TXNDC9: variants seen among roughly 807,000 people sequenced by gnomAD.
TXNDC9 encodes the protein thioredoxin domain containing 9.
Under a neutral mutation model 23.0 loss-of-function variants are expected in TXNDC9, and 7 were observed. The ratio of observed to expected loss-of-function variants is 0.30; its 90% CI spans 0.17 to 0.57. The LOEUF is 0.57. TXNDC9 is among the 20% of genes least tolerant of loss of function. TXNDC9 has a pLI of 0.90. For synonymous variants in TXNDC9, 72 were observed against 90.6 expected, an observed-to-expected ratio of 0.79 and a Z score of 1.17; for missense variants, 198 against 252.6, an observed-to-expected ratio of 0.78 and a Z score of 1.47.
At chr2:99,313,195 TAAAAC>T in the TXNDC9 span, among the ~76,000 whole-genome samples, 3 of 151,366 alleles carry the variant, frequency 2.0e-5, no homozygotes, top group Non-Finnish European at 4.4e-5. Flanking sequence ...ACAACAACAA[TAAAAC>T]AAACAAAACT....
chr2:99,331,049 A>G (rs867750915), intron 2 of TXNDC9, among the ~76,000 whole-genome samples: 15 of 152,194 alleles, frequency 9.9e-5, no homozygotes, highest in African/African-American at 3.4e-4. Flanking sequence ...TGAACTGCCA[A>G]AAAGTTCCTT....
At chr2:99,316,118 T>TTTTTC (rs1491405359), downstream of TXNDC9, among the ~76,000 whole-genome samples, 186 of 5,408 alleles carry the variant, frequency 0.034, 1 homozygote, top group East Asian at 0.44. Flanking sequence ...TTTCTTTTTC[T>TTTTTC]TTTTTTTTTT....
At chr2:99,315,668 A>G (rs915339091), downstream of TXNDC9, among the ~76,000 whole-genome samples, 8 of 152,134 alleles carry the variant, frequency 5.3e-5, no homozygotes, top group Admixed American at 2.0e-4. Flanking sequence ...TGTTTGTTAC[A>G]TTTCGAGTTT....
At chr2:99,332,366 C>A (rs921980740) in intron 2 of TXNDC9, among the ~76,000 whole-genome samples, 6 of 152,150 alleles carry the variant, frequency 3.9e-5, no homozygotes, top group Admixed American at 6.5e-5. Flanking sequence ...TTGCTTGAAG[C>A]CGGGAAGCGG....
the TXNDC9 span, chr2:99,306,687 G>A: frequency 2.2e-5 from 9 of 401,578 alleles, no homozygotes; most frequent in Middle Eastern, 4.2e-4. Context: ...TCATCCAGCC[G>A]ATCATCTCTC....
chr2:99,331,288 A>G (rs1360126450), intron 2 of TXNDC9, among the ~76,000 whole-genome samples: 4 of 152,108 alleles, frequency 2.6e-5, no homozygotes, highest in Admixed American at 6.6e-5. Context: ...AAAGAAGCCA[A>G]TTGGGCCTGG....
intron 3 of TXNDC9, 175 bp from the exon 4 acceptor site, chr2:99,322,384 G>A: frequency 2.5e-6 from 3 of 1,207,684 alleles, no homozygotes; most frequent in Non-Finnish European, 3.4e-6. Context: ...TTAGCTGCCT[G>A]ATTACGAGAT....
At chr2:99,334,149 G>C (rs1331351137) in intron 1 of TXNDC9, among the ~76,000 whole-genome samples, 3 of 152,200 alleles carry the variant, frequency 2.0e-5, no homozygotes, top group Non-Finnish European at 4.4e-5. Context: ...TCAGATGTTT[G>C]AGACCAGCCT....
chr2:99,326,572 A>G (rs1159096658), intron 3 of TXNDC9, among the ~76,000 whole-genome samples: 2 of 152,254 alleles, frequency 1.3e-5, no homozygotes, highest in Non-Finnish European at 2.9e-5. Context: ...GTTGGCAACT[A>G]ATCAAATCTG....
intron 3 of TXNDC9, chr2:99,322,718 C>A: frequency 2.8e-6 from 4 of 1,428,330 alleles, no homozygotes; most frequent in Non-Finnish European, 2.8e-6. Context: ...ATAAATGTGG[C>A]CATTATGCTT....
chr2:99,313,365 A>G, the TXNDC9 span, among the ~76,000 whole-genome samples: 1 of 152,142 alleles, frequency 6.6e-6, no homozygotes, highest in South Asian at 2.1e-4. Flanking sequence ...TGCCTGGCCT[A>G]ATCCAGTCTT....
intron 3 of TXNDC9, among the ~76,000 whole-genome samples, chr2:99,324,730 T>C (rs937674039): frequency 1.3e-5 from 2 of 152,052 alleles, no homozygotes; most frequent in Non-Finnish European, 2.9e-5. Flanking sequence ...CCCGCACCAT[T>C]GCCTGGCTAA....
intron 2 of TXNDC9, among the ~76,000 whole-genome samples, chr2:99,329,237 G>T (rs1390819861): frequency 1.3e-5 from 2 of 152,144 alleles, no homozygotes; most frequent in Non-Finnish European, 2.9e-5. Flanking sequence ...TCCCACGTGG[G>T]CCCTTCAAAC....
chr2:99,306,549 G>A, the TXNDC9 span, among the ~76,000 whole-genome samples: 62 of 152,120 alleles, frequency 4.1e-4, no homozygotes, highest in African/African-American at 1.1e-3. Context: ...TCTTTCAGTC[G>A]TGAAATGCAC....
At position 99,333,255 on chromosome 2, in the gene TXNDC9, T is replaced by C. The variant is rs1574910605; in HGVS notation, c.-32-13A>G. 2 of 1,551,598 alleles carry C rather than the reference T, an allele frequency of 1.3e-6. No individual in the cohort carries two copies. The highest frequency in any genetic ancestry group is 1.7e-6 in the Non-Finnish European group (2 of 1,151,464). On this transcript the variant is annotated splice_polypyrimidine_tract_variant and intron_variant, in intron 1 of 4. Coordinates refer to ENST00000264255, the MANE Select transcript of TXNDC9 (RefSeq NM_005783.4). ...TTCAGCCTGGGTGCTGGGGAGAAGATTTACAAAATACATTTTAAAAAATGC... is the reference window on the plus strand; with the variant it reads ...TTCAGCCTGGGTGCTGGGGAGAAGACTTACAAAATACATTTTAAAAAATGC...
the TXNDC9 span, chr2:99,306,880 A>G: frequency 5.5e-5 from 23 of 421,458 alleles, no homozygotes; most frequent in South Asian, 3.5e-4. Context: ...CAGAGGCATT[A>G]TAAAGACCAC....
chr2:99,333,444 A>G (rs1301943371), intron 1 of TXNDC9, among the ~76,000 whole-genome samples: 14 of 152,180 alleles, frequency 9.2e-5, no homozygotes, highest in Admixed American at 9.2e-4. Flanking sequence ...ACACCACTCA[A>G]AAACTACTTA....
downstream of TXNDC9, among the ~76,000 whole-genome samples, chr2:99,317,433 A>C (rs1229335522): frequency 2.0e-5 from 3 of 152,136 alleles, no homozygotes; most frequent in East Asian, 5.8e-4. Context: ...CTTACCCTGA[A>C]GTATGCAGGC....
chr2:99,327,753 G>T, intron 2 of TXNDC9, 100 bp from the exon 3 acceptor site: 22 of 614,794 alleles, frequency 3.6e-5, no homozygotes, highest in South Asian at 6.0e-5. Flanking sequence ...TTGTAATGAA[G>T]TCAATTAAAA....
Sources: allele counts gnomAD v4.1 joint callset (sites outside exome capture counted in the v4.1 genomes callset), GRCh38; gene constraint gnomAD v4.1.1; transcripts MANE v1.5; gene names NCBI Gene and HGNC (gene_info 2026-07-23, HGNC 2026-07-21).